The following TRIM29 variants were observed in gnomAD, a reference collection of about 807,000 sequenced individuals.
The protein encoded by TRIM29 is tripartite motif containing 29.
A neutral mutation model predicts 57.3 loss-of-function variants in TRIM29; 52 were observed. The observed-to-expected ratio is 0.91, with a 90% CI of 0.73 to 1.14. The LOEUF (loss-of-function observed/expected upper bound fraction) is 1.14. TRIM29 is among the 50% of genes most tolerant of loss of function. TRIM29 has a pLI of 0.00. For synonymous variants in TRIM29, 319 were observed against 316.9 expected (o/e 1.01, Z -0.07); for missense variants, 753 against 774.6 (o/e 0.97, Z 0.33).
rs1863612942 is a variant in TRIM29, at chr11:120,127,337, T to C, written c.1133A>G (p.Gln378Arg). The C allele has an allele frequency of 1.2e-6, 2 of 1,613,540 alleles. No individual in the cohort carries two copies. Among genetic ancestry groups the C allele is most frequent in the South Asian group, 2.2e-5 (2 of 91,036 alleles). The change falls in exon 3 of 9, where the codon CAG becomes CGG. Residue 378 changes from glutamine (Q) to arginine (R), a missense_variant and splice_region_variant. By Grantham distance (43) the Gln-to-Arg change is conservative (BLOSUM62 1). Coordinates refer to ENST00000341846, the MANE Select transcript of TRIM29 (RefSeq NM_012101.4). ...HSISDSVLFL[Q>R]EFGALMSNYS... ...AGTGACAGAGGAGTGGCTTGTTACC[T>C]GCAGAAACAACACAGAGTCGCTGAT...
chr11:120,134,892 C>T (rs1863788273), intron 1 of TRIM29, among the ~76,000 whole-genome samples: 1 of 152,202 alleles, frequency 6.6e-6, no homozygotes, highest in Non-Finnish European at 1.5e-5. Flanking sequence ...GTGGCTAATA[C>T]TCTGTTGGCC....
chr11:120,126,904 AT>A (rs1863602155), intron 3 of TRIM29, among the ~76,000 whole-genome samples: 1 of 152,228 alleles, frequency 6.6e-6, no homozygotes, highest in Non-Finnish European at 1.5e-5. Context: ...AGTACTGGGC[AT>A]GCAGTAGTAT....
intron 7 of TRIM29, 55 bp downstream of exon 7, chr11:120,118,168 T>G: frequency 2.0e-6 from 3 of 1,491,082 alleles, no homozygotes; most frequent in Non-Finnish European, 1.9e-6. Context: ...AAGCAGGGCT[T>G]GGGAGGTGTG....
intron 1 of TRIM29, among the ~76,000 whole-genome samples, chr11:120,133,874 C>T (rs1373150668): frequency 1.3e-5 from 2 of 152,140 alleles, no homozygotes; most frequent in African/African-American, 2.4e-5. Flanking sequence ...CAAAGCAATG[C>T]TCCTAGCTGA....
intron 1 of TRIM29, among the ~76,000 whole-genome samples, chr11:120,130,229 G>A (rs529101750): frequency 6.6e-6 from 1 of 152,134 alleles, no homozygotes; most frequent in Non-Finnish European, 1.5e-5. Flanking sequence ...TGGACTGGGG[G>A]TCTGTCCGAA....
At chr11:120,132,160 C>A (rs1478194885) in intron 1 of TRIM29, among the ~76,000 whole-genome samples, 1 of 151,664 alleles carries the variant, frequency 6.6e-6, no homozygotes, top group Non-Finnish European at 1.5e-5. Context: ...TAAGCCCTCC[C>A]ATGCTCCCTT....
At chr11:120,131,947 C>T (rs1453990892) in intron 1 of TRIM29, among the ~76,000 whole-genome samples, 3 of 150,334 alleles carry the variant, frequency 2.0e-5, no homozygotes, top group African/African-American at 4.9e-5. Context: ...ATTATCCCTC[C>T]GACTTCACAG....
chr11:120,135,272 G>A (rs761807881), intron 1 of TRIM29, among the ~76,000 whole-genome samples: 8 of 152,150 alleles, frequency 5.3e-5, no homozygotes, highest in East Asian at 3.9e-4. Flanking sequence ...TGAATGCTCC[G>A]CCTTCTTGAC....
intron 8 of TRIM29, chr11:120,113,742 AC>A (rs557410535): frequency 1.7e-3 from 782 of 454,820 alleles, no homozygotes; most frequent in Non-Finnish European, 3.1e-3. Context: ...AGGTCTCCTG[AC>A]CCCCAGGGGC....
At chr11:120,126,067 C>T in intron 3 of TRIM29, 178 bp from the exon 4 acceptor site, 1 of 636,792 alleles carries the variant, frequency 1.6e-6, no homozygotes, top group Non-Finnish European at 2.7e-6. Context: ...CCACTGGATG[C>T]TAACATCCCT....
intron 6 of TRIM29, among the ~76,000 whole-genome samples, chr11:120,119,124 C>T (rs1863364534): frequency 6.6e-6 from 1 of 152,182 alleles, no homozygotes; most frequent in Admixed American, 6.5e-5. Flanking sequence ...GTTGAATAGG[C>T]TAACACATGC....
intron 7 of TRIM29, chr11:120,117,035 C>A: frequency 2.2e-6 from 1 of 448,000 alleles, no homozygotes; most frequent in South Asian, 1.6e-5. Flanking sequence ...AGGTGGTGAA[C>A]TGATAAGGGG....
chr11:120,121,144 C>T (rs999649849), intron 5 of TRIM29, among the ~76,000 whole-genome samples: 2 of 152,104 alleles, frequency 1.3e-5, no homozygotes, highest in African/African-American at 4.8e-5. Context: ...ATGAGCTCCC[C>T]ATGTGTATTC....
chr11:120,123,053 C>T lies in TRIM29; in HGVS notation c.1336G>A (p.Gly446Ser), dbSNP rs754666609. ...FIERNHMENG[G>S]DHRYVNNYTN... is the part of the protein sequence containing the mutation. ...TAGTTGTTCACATAGCGATGGTCAC[C>T]ACCTAGGAAGCAGAGGGTCGGGTCA... Residue 446 changes from glycine (G) to serine (S), a missense_variant and splice_region_variant, in exon 5 of 9, where the codon GGT becomes AGT. Transcript: ENST00000341846. 4.3e-6 allele frequency: 7 copies of T among 1,613,916 alleles called. No homozygotes were observed. Among genetic ancestry groups the T allele is most frequent in the Admixed American group, 1.7e-5 (1 of 60,008 alleles).
At chr11:120,120,760 T>C in intron 5 of TRIM29, 95 bp from the exon 6 acceptor site, 1 of 1,002,310 alleles carries the variant, frequency 1.0e-6, no homozygotes, top group Non-Finnish European at 1.5e-6. Flanking sequence ...TCACAGGACC[T>C]GGATTCCACC....
chr11:120,128,269 G>T, intron 2 of TRIM29, 131 bp downstream of exon 2: 1 of 710,020 alleles, frequency 1.4e-6, no homozygotes, highest in Non-Finnish European at 2.3e-6. Context: ...CAGAGGAGGT[G>T]GGAGAAGCCA....
intron 1 of TRIM29, among the ~76,000 whole-genome samples, chr11:120,136,620 G>A (rs943441492): frequency 7.9e-5 from 12 of 152,162 alleles, no homozygotes; most frequent in Non-Finnish European, 1.8e-4. Context: ...ACCAGCTGGG[G>A]ATCAGCTAGA....
chr11:120,132,556 T>TG (rs1863741241), intron 1 of TRIM29, among the ~76,000 whole-genome samples: 1 of 152,042 alleles, frequency 6.6e-6, no homozygotes, highest in Non-Finnish European at 1.5e-5. Flanking sequence ...AGCAGATGGG[T>TG]GGTGCAGCAG....
chr11:120,135,756 G>A (rs1863803390), intron 1 of TRIM29, among the ~76,000 whole-genome samples: 1 of 152,158 alleles, frequency 6.6e-6, no homozygotes, highest in Admixed American at 6.5e-5. Flanking sequence ...GAGAGATGAA[G>A]GGAAAGAGTA....
Sources: allele counts gnomAD v4.1 joint callset (sites outside exome capture counted in the v4.1 genomes callset), GRCh38; gene constraint gnomAD v4.1.1; transcripts MANE v1.5; gene names NCBI Gene and HGNC (gene_info 2026-07-23, HGNC 2026-07-21).